Variants in CSMD3 observed in about 807,000 individuals in gnomAD.
The protein encoded by CSMD3 is CUB and Sushi multiple domains 3.
In CSMD3, 177 loss-of-function variants were observed where a neutral mutation model predicts 435.2. The observed-to-expected ratio is 0.41, with a 90% CI of 0.36 to 0.46. The LOEUF (loss-of-function observed/expected upper bound fraction) is 0.46. Among genes scored for constraint, CSMD3 ranks in the 20% least tolerant of loss-of-function variants. CSMD3 has a pLI of 0.34. For missense variants in CSMD3, 4,265 were observed against 4,504.6 expected, an observed-to-expected ratio of 0.95 and a Z score of 1.52; for synonymous variants, 1,656 against 1,520.5, an observed-to-expected ratio of 1.09 and a Z score of -2.07.
chr8:112,449,961 T>C (rs758803751), intron 32 of CSMD3, among the ~76,000 whole-genome samples: 5 of 152,166 alleles, frequency 3.3e-5, no homozygotes, highest in Non-Finnish European at 5.9e-5. Flanking sequence ...TGACCTCAGC[T>C]TATCCACCCG....
At chr8:112,917,639 C>T (rs35581630) in intron 10 of CSMD3, among the ~76,000 whole-genome samples, 1,615 of 151,974 alleles carry the variant, frequency 0.011, 32 homozygotes, top group African/African-American at 0.037. Context: ...TAAAGCGAGA[C>T]TTTAATGGGA....
chr8:113,376,984 A>C (rs1588627739), intron 1 of CSMD3: 1 of 1,185,340 alleles, frequency 8.4e-7, no homozygotes. Flanking sequence ...GCTGCGCATG[A>C]CCAGCCGGGC....
chr8:112,847,315 G>T (rs2129659220), intron 11 of CSMD3, among the ~76,000 whole-genome samples: 1 of 152,212 alleles, frequency 6.6e-6, no homozygotes, highest in South Asian at 2.1e-4. Flanking sequence ...GGCTACAGGA[G>T]CCCACTTGGT....
intron 27 of CSMD3, among the ~76,000 whole-genome samples, chr8:112,546,458 C>T (rs759149575): frequency 1.3e-5 from 2 of 152,124 alleles, no homozygotes; most frequent in African/African-American, 2.4e-5. Flanking sequence ...ACTTCAACCT[C>T]TCATGGCTAA....
At chr8:113,030,753 T>G (rs2087073533) in intron 5 of CSMD3, among the ~76,000 whole-genome samples, 1 of 150,884 alleles carries the variant, frequency 6.6e-6, no homozygotes, top group Non-Finnish European at 1.5e-5. Flanking sequence ...AAAAAAAAAG[T>G]GTTAATATAT....
Position 112,645,187 on chromosome 8 carries a change from T to A in CSMD3, c.3232A>T (p.Ile1078Phe), listed in dbSNP as rs2074945852. ...GGDVRGPSGT[I>F]LSPGYPEFYP... The stretch of plus-strand genomic sequence containing the variant: ...AATTCCGGGTAACCAGGTGATAAGA[T>A]TGTTCCACTAGGCCCTCTAACATCT... Residue 1078 changes from isoleucine (I) to phenylalanine (F), a missense_variant, in exon 20 of 71, where the codon ATC becomes TTC. Ile to Phe is a conservative substitution (Grantham distance 21). Transcript: ENST00000297405. 35 of 1,606,370 alleles carry A rather than the reference T, an allele frequency of 2.2e-5. No individual in the cohort carries two copies. The highest frequency in any genetic ancestry group is 2.8e-5 in the Non-Finnish European group (33 of 1,173,152).
intron 3 of CSMD3, among the ~76,000 whole-genome samples, chr8:113,230,038 TAA>T (rs1293445275): frequency 6.6e-6 from 1 of 151,662 alleles, no homozygotes; most frequent in Admixed American, 6.6e-5. Flanking sequence ...AAGAGATTGT[TAA>T]ATAGAGTTAA....
At chr8:113,372,341 G>A (rs1406953837) in intron 1 of CSMD3, among the ~76,000 whole-genome samples, 1 of 152,082 alleles carries the variant, frequency 6.6e-6, no homozygotes, top group Non-Finnish European at 1.5e-5. Flanking sequence ...TTGGCCCCAG[G>A]TAATTAGATG....
intron 2 of CSMD3, among the ~76,000 whole-genome samples, chr8:113,281,014 A>C (rs1189347734): frequency 6.6e-6 from 1 of 151,860 alleles, no homozygotes; most frequent in South Asian, 2.1e-4. Flanking sequence ...CTGTGGTCTA[A>C]GACAGTGCTT....
intron 38 of CSMD3, among the ~76,000 whole-genome samples, chr8:112,357,581 G>A (rs1826746996): frequency 6.6e-6 from 1 of 152,204 alleles, no homozygotes; most frequent in African/African-American, 2.4e-5. Context: ...TCCCATCACA[G>A]GCCTAGAGGC....
At chr8:112,983,357 A>G (rs925025179) in intron 6 of CSMD3, among the ~76,000 whole-genome samples, 3 of 151,422 alleles carry the variant, frequency 2.0e-5, no homozygotes, top group African/African-American at 7.3e-5. Flanking sequence ...TTAATTGTAG[A>G]TGTTCTTTAA....
chr8:112,689,398 G>T (rs978360199), intron 14 of CSMD3, among the ~76,000 whole-genome samples: 1 of 151,870 alleles, frequency 6.6e-6, no homozygotes, highest in African/African-American at 2.4e-5. Context: ...GAATTGTATT[G>T]TATGCAATAT....
intron 2 of CSMD3, among the ~76,000 whole-genome samples, chr8:113,308,318 G>C (rs1001811995): frequency 1.6e-5 from 2 of 128,970 alleles, no homozygotes; most frequent in African/African-American, 6.1e-5. Context: ...ACCCAGGCTG[G>C]AGTGCAGTGG....
chr8:112,674,635 C>T (rs2075732492), intron 16 of CSMD3, among the ~76,000 whole-genome samples: 1 of 152,146 alleles, frequency 6.6e-6, no homozygotes, highest in African/African-American at 2.4e-5. Context: ...ACTAATCAAA[C>T]TGTTTGAACT....
chr8:112,373,205 T>C lies in CSMD3; in HGVS notation c.6136+7147A>G, dbSNP rs7830309. Among the ~76,000 whole-genome samples the C allele has an allele frequency of 6.6e-3, 996 of 151,952 alleles. 16 individuals carry two copies. Among genetic ancestry groups the C allele is most frequent in the African/African-American group, 0.023 (939 of 41,446 alleles). ...TTTCTTGGATGAAAAAAATAAACAC[T>C]ATCCTTTTTTATAGAAAACCTTAAA... On this transcript the variant is annotated intron_variant, in intron 38 of 70. Transcript: ENST00000297405.
chr8:112,255,449 C>T, intron 61 of CSMD3, 22 bp from the exon 62 acceptor site: 5 of 1,611,668 alleles, frequency 3.1e-6, no homozygotes, highest in Non-Finnish European at 4.2e-6. Flanking sequence ...AAGAAAGACG[C>T]TTATATCAAA....
chr8:112,527,173 CAAT>C (rs1207226471), intron 27 of CSMD3, among the ~76,000 whole-genome samples: 1 of 151,424 alleles, frequency 6.6e-6, no homozygotes, highest in Non-Finnish European at 1.5e-5. Flanking sequence ...GATTTTCAAA[CAAT>C]AAAAAATCAA....
intron 5 of CSMD3, among the ~76,000 whole-genome samples, chr8:113,087,629 T>C (rs1435720618): frequency 6.6e-6 from 1 of 151,188 alleles, no homozygotes; most frequent in Non-Finnish European, 1.5e-5. Flanking sequence ...ATTTAATAAA[T>C]GGTGCTGGGA....
chr8:113,153,469 T>A (rs1418359354), intron 4 of CSMD3, among the ~76,000 whole-genome samples: 1 of 152,066 alleles, frequency 6.6e-6, no homozygotes, highest in Non-Finnish European at 1.5e-5. Context: ...AGTGGGACTA[T>A]GATAAATGTT....
Sources: allele counts gnomAD v4.1 joint callset (sites outside exome capture counted in the v4.1 genomes callset), GRCh38; gene constraint gnomAD v4.1.1; transcripts MANE v1.5; gene names NCBI Gene and HGNC (gene_info 2026-07-23, HGNC 2026-07-21).